TENM1: variants seen among roughly 807,000 people sequenced by gnomAD.
TENM1 encodes teneurin-1.
TENM1 carries 35 observed loss-of-function variants against 174.8 expected under a neutral mutation model. The observed-to-expected ratio is 0.20, with a 90% CI of 0.15 to 0.27. The LOEUF is 0.27. Among genes scored for constraint, TENM1 ranks in the 10% least tolerant of loss-of-function variants. The probability of loss-of-function intolerance (pLI) is 1.00; values close to 1 mark genes in which losing one functional copy is unlikely to be tolerated. For missense variants in TENM1, 1,633 were observed against 2,130.1 expected (o/e 0.77, Z 4.59); for synonymous variants, 781 against 798.7 (o/e 0.98, Z 0.37).
At chrX:124,983,632 G>GT in the TENM1 span, among the ~76,000 whole-genome samples, 1 of 110,903 alleles carries the variant, frequency 9.0e-6, no homozygotes, top group Non-Finnish European at 1.9e-5. Context: ...GTTGTTGTTT[G>GT]TTTTTTGAGA....
the TENM1 span, among the ~76,000 whole-genome samples, chrX:125,088,610 G>T: frequency 9.1e-6 from 1 of 110,443 alleles, no homozygotes; most frequent in Non-Finnish European, 1.9e-5. Context: ...GTAACAAAAA[G>T]GTGAGAAAAA....
the TENM1 span, among the ~76,000 whole-genome samples, chrX:125,086,157 G>C: frequency 9.1e-6 from 1 of 109,992 alleles, no homozygotes; most frequent in Non-Finnish European, 1.9e-5. Flanking sequence ...ATTTTTTCAA[G>C]GATATCTGGT....
intron 11 of TENM1, among the ~76,000 whole-genome samples, chrX:124,598,644 G>A (rs962137728): frequency 1.8e-5 from 2 of 111,641 alleles, no homozygotes; most frequent in African/African-American, 3.3e-5. Flanking sequence ...GGAACAGAAA[G>A]ACAAACATTG....
chrX:124,622,948 C>T (rs1032449719), intron 11 of TENM1, among the ~76,000 whole-genome samples: 1 of 111,681 alleles, frequency 9.0e-6, no homozygotes, highest in Non-Finnish European at 1.9e-5. Context: ...CAATTTAGGG[C>T]CTTTAAAATT....
At chrX:124,437,785 C>T (rs1032036056) in intron 23 of TENM1, among the ~76,000 whole-genome samples, 2 of 111,990 alleles carry the variant, frequency 1.8e-5, no homozygotes, top group African/African-American at 6.5e-5. Flanking sequence ...TTTTGAGATG[C>T]GCCAAATGAA....
the TENM1 span, among the ~76,000 whole-genome samples, chrX:125,192,467 T>A: frequency 8.9e-6 from 1 of 112,126 alleles, no homozygotes; most frequent in Non-Finnish European, 1.9e-5. Flanking sequence ...AAAATGATCA[T>A]CCTGGTTGCC....
At chrX:124,558,197 A>G (rs2048735855) in intron 14 of TENM1, among the ~76,000 whole-genome samples, 1 of 111,993 alleles carries the variant, frequency 8.9e-6, no homozygotes, top group Non-Finnish European at 1.9e-5. Context: ...CACATATTCA[A>G]TGCAGCCCAA....
chrX:124,663,611 T>A (rs1272108501), intron 6 of TENM1, among the ~76,000 whole-genome samples: 3 of 111,898 alleles, frequency 2.7e-5, no homozygotes, highest in Non-Finnish European at 3.8e-5. Flanking sequence ...ATCCCTTAGC[T>A]TTGAAAGGAC....
chrX:124,897,633 T>C (rs2057584941), intron 1 of TENM1, among the ~76,000 whole-genome samples: 1 of 112,761 alleles, frequency 8.9e-6, no homozygotes, highest in Admixed American at 9.4e-5. Flanking sequence ...TTGTGAAACA[T>C]ATAGTAGGCA....
exon 9 of TENM1, chrX:124,646,748 G>A (rs1185056108): frequency 8.3e-7 from 1 of 1,207,550 alleles, no homozygotes; most frequent in South Asian, 1.8e-5. Context: ...GGGAAACAAT[G>A]ACAATGGCCA....
intron 3 of TENM1, among the ~76,000 whole-genome samples, chrX:124,886,554 G>T (rs777046209): frequency 9.7e-4 from 95 of 97,471 alleles, no homozygotes; most frequent in African/African-American, 2.1e-3. Flanking sequence ...TATATAGAGA[G>T]AGAGAGAGAG....
chrX:125,103,400 A>G, the TENM1 span, among the ~76,000 whole-genome samples: 1 of 111,522 alleles, frequency 9.0e-6, no homozygotes, highest in East Asian at 2.8e-4. Context: ...ATGGTACCTC[A>G]ATACATAATA....
chrX:124,606,598 A>G (rs921233650), intron 11 of TENM1, among the ~76,000 whole-genome samples: 2 of 111,475 alleles, frequency 1.8e-5, no homozygotes, highest in Admixed American at 1.9e-4. Flanking sequence ...TGGATCCAAC[A>G]TTTTATAATT....
intron 5 of TENM1, among the ~76,000 whole-genome samples, chrX:124,678,140 A>G (rs5958557): frequency 0.45 from 49,180 of 109,604 alleles, 10,049 homozygotes; most frequent in African/African-American, 0.8. Flanking sequence ...TGACCATGGC[A>G]GGTGTATTTA....
chrX:124,870,470 G>A (rs761567396), intron 3 of TENM1, among the ~76,000 whole-genome samples: 2 of 111,578 alleles, frequency 1.8e-5, no homozygotes, highest in East Asian at 2.8e-4. Flanking sequence ...AAGAGTTCAG[G>A]GATTATGGTG....
At chrX:124,902,269 C>T (rs1254587385) in intron 1 of TENM1, among the ~76,000 whole-genome samples, 1 of 111,966 alleles carries the variant, frequency 8.9e-6, no homozygotes, top group Non-Finnish European at 1.9e-5. Flanking sequence ...GGATATAGTA[C>T]ATATTAGTTA....
intron 11 of TENM1, among the ~76,000 whole-genome samples, chrX:124,631,101 A>AAGTAGG (rs2050745266): frequency 8.9e-6 from 1 of 111,926 alleles, no homozygotes; most frequent in Non-Finnish European, 1.9e-5. Flanking sequence ...TTAATATCCA[A>AAGTAGG]GAGTTCAAAG....
chrX:124,442,348 G>T (rs2060912333), intron 23 of TENM1, among the ~76,000 whole-genome samples: 1 of 112,049 alleles, frequency 8.9e-6, no homozygotes, highest in Admixed American at 9.5e-5. Flanking sequence ...TTATAATTCA[G>T]ATTTTCTTGA....
chrX:124,742,028 A>G (rs1439822680), intron 3 of TENM1, among the ~76,000 whole-genome samples: 1 of 112,303 alleles, frequency 8.9e-6, no homozygotes, highest in Non-Finnish European at 1.9e-5. Flanking sequence ...GGTGTTAAAA[A>G]TAAATATTGT....
Sources: gnomAD v4.1 joint callset for allele counts (sites outside exome capture counted in the v4.1 genomes callset) on GRCh38, gnomAD v4.1.1 for gene constraint, MANE v1.5 for transcripts, NCBI Gene and HGNC (gene_info 2026-07-23, HGNC 2026-07-21) for gene names.